Variants in NBAS observed in about 807,000 individuals in gnomAD.
NBAS encodes the protein NAG/BC035112 fusion.
NBAS carries 219 observed loss-of-function variants against 302.5 expected under a neutral mutation model. The observed-to-expected ratio is 0.72, with a 90% CI of 0.65 to 0.81. The LOEUF (loss-of-function observed/expected upper bound fraction) is 0.81, where lower values mean the gene tolerates loss of function less well. NBAS is among the 30% of genes least tolerant of loss of function. The probability of loss-of-function intolerance (pLI) is 0.00; values close to 1 mark genes in which losing one functional copy is unlikely to be tolerated. For synonymous variants in NBAS, 1,118 were observed against 1,021.6 expected, an observed-to-expected ratio of 1.09 and a Z score of -1.80; for missense variants, 2,932 against 2,841.6, an observed-to-expected ratio of 1.03 and a Z score of -0.72.
intron 12 of NBAS, among the ~76,000 whole-genome samples, chr2:15,488,084 A>G (rs1422123743): frequency 6.6e-6 from 1 of 152,214 alleles, no homozygotes; most frequent in Non-Finnish European, 1.5e-5. Flanking sequence ...TGATCCATTC[A>G]GGTCATTCAG....
chr2:15,360,918 T>C (rs1304810980), intron 32 of NBAS, among the ~76,000 whole-genome samples: 1 of 152,094 alleles, frequency 6.6e-6, no homozygotes, highest in African/African-American at 2.4e-5. Context: ...AGGAGGCGCA[T>C]CTTTGAAAAT....
intron 38 of NBAS, among the ~76,000 whole-genome samples, chr2:15,318,927 C>T (rs887849404): frequency 2.0e-5 from 3 of 152,160 alleles, no homozygotes; most frequent in Non-Finnish European, 4.4e-5. Flanking sequence ...ACTCTCCACC[C>T]CAAATCAACA....
chr2:14,795,971 T>C, the NBAS span, among the ~76,000 whole-genome samples: 1 of 152,230 alleles, frequency 6.6e-6, no homozygotes, highest in Non-Finnish European at 1.5e-5. Context: ...ATTTAGAAGT[T>C]TTATGATTTA....
At chr2:15,433,315 C>T (rs1455539479) in intron 21 of NBAS, among the ~76,000 whole-genome samples, 2 of 152,078 alleles carry the variant, frequency 1.3e-5, no homozygotes, top group African/African-American at 4.8e-5. Context: ...CAATATTTAG[C>T]TCATTTGGAT....
intron 21 of NBAS, among the ~76,000 whole-genome samples, chr2:15,456,673 CA>C (rs1181504850): frequency 1.3e-5 from 2 of 152,158 alleles, no homozygotes; most frequent in Non-Finnish European, 2.9e-5. Context: ...ACAAAACACA[CA>C]AAATCGCTGT....
the NBAS span, among the ~76,000 whole-genome samples, chr2:14,787,795 G>A: frequency 6.6e-6 from 1 of 152,110 alleles, no homozygotes; most frequent in Non-Finnish European, 1.5e-5. Flanking sequence ...TGACAATTAT[G>A]TGTCTTGGAG....
At chr2:15,453,220 G>A (rs1679099851) in intron 21 of NBAS, among the ~76,000 whole-genome samples, 1 of 152,182 alleles carries the variant, frequency 6.6e-6, no homozygotes, top group Admixed American at 6.5e-5. Flanking sequence ...AAGGCCCAAG[G>A]AAAGCAGGAA....
the NBAS span, among the ~76,000 whole-genome samples, chr2:15,093,213 T>C: frequency 6.6e-6 from 1 of 152,230 alleles, no homozygotes; most frequent in South Asian, 2.1e-4. Flanking sequence ...CTCAGGAGTT[T>C]GAGACAAGCC....
rs966627427 is a variant in NBAS, at chr2:15,328,116, T to A, written c.4461+83A>T. On this transcript the variant is annotated intron_variant, in intron 37 of 51. Transcript: ENST00000281513. Reference sequence around the variant, plus strand: ...TAAGAACCAAGACAAATAAGTATATTTTCAAGAAAATTTTAGTTTTTGTTT... The same window carrying A: ...TAAGAACCAAGACAAATAAGTATATATTCAAGAAAATTTTAGTTTTTGTTT... 1.1e-5 allele frequency: 15 copies of A among 1,380,480 alleles called. No homozygotes were observed. The African/African-American group carries it at 1.6e-4, about 15-fold the overall frequency. 85.5% of individuals were successfully genotyped at this position (1,380,480 alleles called of 1,614,324 possible). A position where few individuals can be genotyped will look rare whatever the true frequency, so the allele number is the denominator to read the frequency against.
chr2:15,375,901 A>G (rs1674711839), intron 30 of NBAS, among the ~76,000 whole-genome samples: 1 of 151,948 alleles, frequency 6.6e-6, no homozygotes, highest in African/African-American at 2.4e-5. Context: ...AAAACCTTCA[A>G]TATAGAATAT....
the NBAS span, among the ~76,000 whole-genome samples, chr2:14,809,354 C>G: frequency 6.6e-6 from 1 of 152,178 alleles, no homozygotes; most frequent in Admixed American, 6.5e-5. Flanking sequence ...CCCAAGATCC[C>G]AAGCTGTGTG....
intron 11 of NBAS, among the ~76,000 whole-genome samples, chr2:15,496,669 G>A (rs1240916256): frequency 6.6e-6 from 1 of 151,830 alleles, no homozygotes; most frequent in Non-Finnish European, 1.5e-5. Flanking sequence ...GGGAGAGAGG[G>A]AGGAAGGAAG....
At position 15,327,766 on chromosome 2, in the gene NBAS, T is replaced by C; in HGVS notation, c.4566A>G (p.Val1522=). Residue 1522 remains valine, a synonymous_variant, in exon 38 of 52, where the codon GTA becomes GTG. Coordinates refer to ENST00000281513, the MANE Select transcript of NBAS (RefSeq NM_015909.4). Reference sequence around the variant, plus strand: ...CTCTCTTACCTTCAGTTGTTGGAAATACTTCTCCTTTATTTTTAGCCTCTG... The same window carrying C: ...CTCTCTTACCTTCAGTTGTTGGAAACACTTCTCCTTTATTTTTAGCCTCTG... ...KLAEAKNKGE[V]FPTTEVLLQL... is the part of the protein sequence containing the mutation. 5 of 1,613,700 alleles carry C rather than the reference T, an allele frequency of 3.1e-6. No individual in the cohort carries two copies. The highest frequency in any genetic ancestry group is 4.2e-6 in the Non-Finnish European group (5 of 1,179,710).
chr2:15,520,938 T>C (rs954573628), intron 9 of NBAS, among the ~76,000 whole-genome samples: 19 of 152,356 alleles, frequency 1.2e-4, no homozygotes, highest in Middle Eastern at 6.8e-3. Context: ...ATAGCAGTTA[T>C]GAAACCATCT....
the NBAS span, among the ~76,000 whole-genome samples, chr2:14,932,821 C>T: frequency 6.6e-5 from 10 of 152,296 alleles, no homozygotes; most frequent in East Asian, 1.9e-3. Flanking sequence ...TTTTGAAGCC[C>T]TAAAAATGTT....
chr2:15,165,404 C>G (rs898589406), downstream of NBAS, among the ~76,000 whole-genome samples: 2 of 152,178 alleles, frequency 1.3e-5, no homozygotes, highest in Non-Finnish European at 2.9e-5. Context: ...TTCCCAAATT[C>G]TAGGTGCTAC....
In NBAS at chr2:15,557,888, G is replaced by A. The variant is rs188192423; in HGVS notation, c.172+692C>T. 1.1e-3 allele frequency among the ~76,000 whole-genome samples: 168 copies of A among 152,254 alleles called. No homozygotes were observed. The Middle Eastern group carries it at 0.027, about 25-fold the overall frequency. ...TTCTCAGACTCTTGTTAGTTCATAC[G>A]TAAAATTTGTCAGGAGTTAAATGAA... is the stretch of plus-strand genomic sequence containing the variant. On this transcript the variant is annotated intron_variant, in intron 2 of 51. Coordinates refer to ENST00000281513, the MANE Select transcript of NBAS (RefSeq NM_015909.4).
the NBAS span, among the ~76,000 whole-genome samples, chr2:15,078,358 T>C: frequency 1.3e-5 from 2 of 152,036 alleles, no homozygotes; most frequent in African/African-American, 4.8e-5. Flanking sequence ...ACAACAGAGG[T>C]CTCCCTAGTA....
chr2:15,408,283 A>G (rs974744735), intron 25 of NBAS, among the ~76,000 whole-genome samples: 7 of 152,208 alleles, frequency 4.6e-5, no homozygotes, highest in Non-Finnish European at 1.0e-4. Flanking sequence ...GATTATCCTC[A>G]TCCAACACCT....
Sources: allele counts gnomAD v4.1 joint callset (sites outside exome capture counted in the v4.1 genomes callset), GRCh38; gene constraint gnomAD v4.1.1; transcripts MANE v1.5; gene names NCBI Gene and HGNC (gene_info 2026-07-23, HGNC 2026-07-21).